Variants in LRMDA observed in about 807,000 individuals in gnomAD.
The protein encoded by LRMDA is leucine rich melanocyte differentiation associated.
Under a neutral mutation model 29.8 loss-of-function variants are expected in LRMDA, and 18 were observed. The ratio of observed to expected loss-of-function variants is 0.60; its 90% confidence interval spans 0.42 to 0.90. LRMDA has a LOEUF of 0.90. Ranked by LOEUF, LRMDA falls within the 40% of genes least tolerant of loss-of-function variation. The pLI is 0.00. For missense variants in LRMDA, 273 were observed against 273.9 expected, an observed-to-expected ratio of 1.00 and a Z score of 0.02; for synonymous variants, 125 against 109.4, an observed-to-expected ratio of 1.14 and a Z score of -0.89.
At chr10:75,485,568 G>T (rs76202600) in intron 2 of LRMDA, among the ~76,000 whole-genome samples, 27 of 150,016 alleles carry the variant, frequency 1.8e-4, no homozygotes, top group Non-Finnish European at 3.9e-4. Flanking sequence ...AGCTAATTTT[G>T]TGTGTGTGTG....
chr10:76,251,600 C>A (rs1249643377), intron 5 of LRMDA, among the ~76,000 whole-genome samples: 1 of 152,182 alleles, frequency 6.6e-6, no homozygotes, highest in African/African-American at 2.4e-5. Context: ...CAGCACAAAG[C>A]TGACAGTGCT....
At chr10:75,550,962 A>G (rs1276750907) in intron 2 of LRMDA, among the ~76,000 whole-genome samples, 1 of 150,670 alleles carries the variant, frequency 6.6e-6, no homozygotes, top group Non-Finnish European at 1.5e-5. Context: ...CCTTTGTTCT[A>G]TTGTCTACAT....
At chr10:76,215,526 A>T (rs1851713111) in intron 5 of LRMDA, among the ~76,000 whole-genome samples, 1 of 151,710 alleles carries the variant, frequency 6.6e-6, no homozygotes, top group South Asian at 2.1e-4. Context: ...GCTAAGTAGT[A>T]GATTCTTTCT....
chr10:75,431,923 G>A (rs1844203148), intron 1 of LRMDA, among the ~76,000 whole-genome samples, 169 bp downstream of exon 1: 2 of 152,166 alleles, frequency 1.3e-5, no homozygotes, highest in African/African-American at 4.8e-5. Flanking sequence ...GGCTAGGACA[G>A]ACCTCGTTTC....
At chr10:76,443,527 C>T (rs1198375700) in intron 6 of LRMDA, among the ~76,000 whole-genome samples, 3 of 152,164 alleles carry the variant, frequency 2.0e-5, no homozygotes, top group Non-Finnish European at 4.4e-5. Flanking sequence ...TTTGTAGTAG[C>T]TAGTGTTATA....
chr10:76,527,048 A>AC (rs1491152361), intron 6 of LRMDA, among the ~76,000 whole-genome samples: 3 of 76,946 alleles, frequency 3.9e-5, no homozygotes, highest in East Asian at 2.2e-4. Context: ...ATCAGGTCTG[A>AC]CAAAAAAAAA....
intron 3 of LRMDA, among the ~76,000 whole-genome samples, chr10:76,042,494 A>C (rs1209183490): frequency 6.6e-6 from 1 of 152,132 alleles, no homozygotes; most frequent in Non-Finnish European, 1.5e-5. Context: ...GGAGTGTGAA[A>C]CCTCTGTAAT....
At chr10:76,256,132 TTG>T (rs1852589342) in intron 5 of LRMDA, among the ~76,000 whole-genome samples, 1 of 152,244 alleles carries the variant, frequency 6.6e-6, no homozygotes, top group African/African-American at 2.4e-5. Context: ...TTGGCTTGTC[TTG>T]GTCCAGAGAA....
At chr10:76,048,878 C>T (rs1012371952) in intron 4 of LRMDA, among the ~76,000 whole-genome samples, 3 of 152,098 alleles carry the variant, frequency 2.0e-5, no homozygotes, top group African/African-American at 7.2e-5. Flanking sequence ...CTTGAAGCCT[C>T]ATCAATGCCT....
intron 6 of LRMDA, among the ~76,000 whole-genome samples, chr10:76,383,981 T>A (rs932950681): frequency 1.3e-5 from 2 of 152,100 alleles, no homozygotes. Context: ...CTCTCTCTTC[T>A]CTTTCTCTCT....
At chr10:75,593,044 G>A (rs1291503630) in intron 2 of LRMDA, among the ~76,000 whole-genome samples, 1 of 152,052 alleles carries the variant, frequency 6.6e-6, no homozygotes, top group African/African-American at 2.4e-5. Flanking sequence ...CTGTCAAGCC[G>A]GCCAGTTGAG....
intron 2 of LRMDA, among the ~76,000 whole-genome samples, chr10:75,949,454 A>G (rs1846535400): frequency 6.6e-6 from 1 of 152,206 alleles, no homozygotes; most frequent in Non-Finnish European, 1.5e-5. Flanking sequence ...CATGTGCTTC[A>G]AAGAGCAGCG....
chr10:75,820,064 G>C (rs1844130532), intron 2 of LRMDA, among the ~76,000 whole-genome samples: 1 of 152,018 alleles, frequency 6.6e-6, no homozygotes, highest in Non-Finnish European at 1.5e-5. Context: ...AGTAATAAGG[G>C]GGACATCAGT....
At chr10:75,751,371 G>A (rs1348439718) in intron 2 of LRMDA, among the ~76,000 whole-genome samples, 4 of 151,860 alleles carry the variant, frequency 2.6e-5, no homozygotes. Context: ...GGGAGGGGGA[G>A]TGGGAGAGGG....
At chr10:76,470,686 T>C (rs980898842) in intron 6 of LRMDA, among the ~76,000 whole-genome samples, 4 of 152,022 alleles carry the variant, frequency 2.6e-5, no homozygotes, top group Non-Finnish European at 4.4e-5. Flanking sequence ...GTATCTAAAA[T>C]AGGCAAATAC....
chr10:76,140,891 C>A (rs1319904647), intron 5 of LRMDA, among the ~76,000 whole-genome samples: 1 of 152,072 alleles, frequency 6.6e-6, no homozygotes, highest in East Asian at 1.9e-4. Context: ...ATTCAGTTTC[C>A]AAAAAGAATT....
intron 2 of LRMDA, among the ~76,000 whole-genome samples, chr10:75,580,642 G>A (rs1288780859): frequency 6.6e-6 from 1 of 152,166 alleles, no homozygotes; most frequent in Non-Finnish European, 1.5e-5. Flanking sequence ...CAAAGCTGGA[G>A]GCATCATGCC....
At chr10:76,133,605 A>T (rs958165442) in intron 5 of LRMDA, among the ~76,000 whole-genome samples, 10 of 152,346 alleles carry the variant, frequency 6.6e-5, no homozygotes, top group Admixed American at 5.2e-4. Context: ...GTGCTAAATT[A>T]AAAAGAATGT....
chr10:75,958,384 T>C (rs979194342), intron 2 of LRMDA, among the ~76,000 whole-genome samples: 1 of 152,246 alleles, frequency 6.6e-6, no homozygotes, highest in African/African-American at 2.4e-5. Context: ...GGTTACCTTG[T>C]TAGAAACATT....
Sources: allele counts gnomAD v4.1 joint callset (sites outside exome capture counted in the v4.1 genomes callset), GRCh38; gene constraint gnomAD v4.1.1; transcripts MANE v1.5; gene names NCBI Gene and HGNC (gene_info 2026-07-23, HGNC 2026-07-21).